Variants in MAGI1 observed in about 807,000 individuals in gnomAD.
MAGI1 encodes membrane associated guanylate kinase, WW and PDZ domain containing 1, also known as membrane-associated guanylate kinase, WW and PDZ domain-containing protein 1.
MAGI1 carries 58 observed loss-of-function variants against 139.9 expected under a neutral mutation model. The ratio of observed to expected loss-of-function variants is 0.41; its 90% CI spans 0.34 to 0.52. MAGI1 has a LOEUF of 0.52. MAGI1 is among the 20% of genes least tolerant of loss of function. MAGI1 has a pLI of 0.12. For synonymous variants in MAGI1, 812 were observed against 737.9 expected, an observed-to-expected ratio of 1.10 and a Z score of -1.63; for missense variants, 1,874 against 1,901.6, an observed-to-expected ratio of 0.99 and a Z score of 0.27.
chr3:65,952,977 T>C (rs2063940660), intron 1 of MAGI1, among the ~76,000 whole-genome samples: 1 of 152,204 alleles, frequency 6.6e-6, no homozygotes, highest in South Asian at 2.1e-4. Flanking sequence ...CTGCAATCCC[T>C]AATACAACCT....
chr3:65,458,586 T>C (rs1378883431), intron 5 of MAGI1, among the ~76,000 whole-genome samples: 2 of 152,196 alleles, frequency 1.3e-5, no homozygotes, highest in Non-Finnish European at 2.9e-5. Context: ...TTTTCACATA[T>C]CTGTCTGCCA....
intron 5 of MAGI1, among the ~76,000 whole-genome samples, chr3:65,459,109 C>T (rs925168146): frequency 6.6e-6 from 1 of 152,068 alleles, no homozygotes; most frequent in Non-Finnish European, 1.5e-5. Flanking sequence ...ATGAGTTCAC[C>T]GTAGATGTAT....
At chr3:65,597,665 C>A in intron 2 of MAGI1, 1 of 456,548 alleles carries the variant, frequency 2.2e-6, no homozygotes, top group Non-Finnish European at 4.4e-6. Flanking sequence ...GATATTCCCA[C>A]AACCCAAGCT....
intron 2 of MAGI1, among the ~76,000 whole-genome samples, chr3:65,505,691 A>T (rs2077257217): frequency 6.6e-6 from 1 of 150,788 alleles, no homozygotes. Context: ...TAATAGCTAC[A>T]TGGTTTCTTT....
chr3:65,692,292 TCTTG>T (rs1165200476), intron 1 of MAGI1, among the ~76,000 whole-genome samples: 1 of 152,198 alleles, frequency 6.6e-6, no homozygotes, highest in East Asian at 1.9e-4. Flanking sequence ...ATTGATTCAT[TCTTG>T]CTTGTCAGCA....
chr3:65,450,837 C>A (rs1948991259), intron 6 of MAGI1, among the ~76,000 whole-genome samples: 1 of 152,080 alleles, frequency 6.6e-6, no homozygotes, highest in Admixed American at 6.5e-5. Context: ...CTACAGAGAA[C>A]AGAAAGAAAT....
intron 1 of MAGI1, among the ~76,000 whole-genome samples, chr3:65,709,814 G>A (rs374707121): frequency 2.1e-4 from 32 of 152,324 alleles, no homozygotes; most frequent in Middle Eastern, 6.8e-3. Flanking sequence ...AAGAATTTTA[G>A]TAGCTCTAAT....
chr3:65,500,845 G>A (rs2077053297), intron 2 of MAGI1, among the ~76,000 whole-genome samples: 1 of 152,116 alleles, frequency 6.6e-6, no homozygotes, highest in Non-Finnish European at 1.5e-5. Flanking sequence ...AATCTAACAA[G>A]ACTTCAAAAA....
chr3:65,987,739 T>G (rs941495355), intron 1 of MAGI1, among the ~76,000 whole-genome samples: 1 of 152,160 alleles, frequency 6.6e-6, no homozygotes, highest in African/African-American at 2.4e-5. Flanking sequence ...CCAGCTAATT[T>G]TGCATTTTTT....
intron 1 of MAGI1, among the ~76,000 whole-genome samples, chr3:65,682,007 G>A (rs138265782): frequency 2.0e-4 from 31 of 152,128 alleles, no homozygotes; most frequent in African/African-American, 7.0e-4. Context: ...AGCTGAGTTT[G>A]GCAGGTTTAA....
intron 2 of MAGI1, among the ~76,000 whole-genome samples, chr3:65,500,520 C>A (rs962713218): frequency 6.6e-6 from 1 of 152,218 alleles, no homozygotes; most frequent in African/African-American, 2.4e-5. Flanking sequence ...TCACTGAAAT[C>A]CACAAACCAT....
At chr3:65,596,605 A>G (rs2082211005) in intron 2 of MAGI1, among the ~76,000 whole-genome samples, 1 of 152,232 alleles carries the variant, frequency 6.6e-6, no homozygotes, top group Non-Finnish European at 1.5e-5. Flanking sequence ...CAAAGTCTAT[A>G]TACCAACACT....
chr3:65,621,377 T>A (rs942687563), intron 2 of MAGI1, among the ~76,000 whole-genome samples: 2 of 152,236 alleles, frequency 1.3e-5, no homozygotes, highest in African/African-American at 4.8e-5. Context: ...GTCTTGTTTT[T>A]TCAGATTTGG....
chr3:65,586,664 T>C (rs1279169046), intron 2 of MAGI1, among the ~76,000 whole-genome samples: 1 of 152,024 alleles, frequency 6.6e-6, no homozygotes, highest in Non-Finnish European at 1.5e-5. Flanking sequence ...TATACAAAGA[T>C]ACACAAAAAT....
Position 65,519,063 on chromosome 3 carries a change from A to T in MAGI1, c.431-25432T>A, listed in dbSNP as rs200508457. On this transcript the variant is annotated intron_variant, in intron 2 of 22. Transcript: ENST00000402939. ...AAGTGTTCTAGGCACAACAGGTAACACCAAACGCAAATGTCCTGAGGCAGG... is the reference window on the plus strand; with the variant it reads ...AAGTGTTCTAGGCACAACAGGTAACTCCAAACGCAAATGTCCTGAGGCAGG... Among the ~76,000 whole-genome samples, 38 of 152,300 alleles carry T rather than the reference A, an allele frequency of 2.5e-4. 1 individual carries two copies. In the East Asian group the frequency reaches 7.4e-3, roughly 30 times the overall value.
At chr3:65,592,247 T>C (rs946212828) in intron 2 of MAGI1, among the ~76,000 whole-genome samples, 7 of 152,166 alleles carry the variant, frequency 4.6e-5, no homozygotes, top group African/African-American at 1.7e-4. Flanking sequence ...TTCCAATTAT[T>C]ATTAGAAAGA....
At chr3:65,728,382 G>C (rs2033842594) in intron 1 of MAGI1, among the ~76,000 whole-genome samples, 1 of 152,206 alleles carries the variant, frequency 6.6e-6, no homozygotes, top group African/African-American at 2.4e-5. Flanking sequence ...CCATGGTATG[G>C]AATTTGGATC....
At chr3:65,651,667 G>A (rs777301135) in intron 1 of MAGI1, among the ~76,000 whole-genome samples, 2 of 152,086 alleles carry the variant, frequency 1.3e-5, no homozygotes, top group Non-Finnish European at 2.9e-5. Context: ...ACTGCAGACA[G>A]ACATCCCAGG....
intron 1 of MAGI1, among the ~76,000 whole-genome samples, chr3:65,841,183 G>C (rs1007990608): frequency 2.0e-5 from 3 of 151,848 alleles, no homozygotes; most frequent in African/African-American, 7.3e-5. Flanking sequence ...CTATTTGTTA[G>C]TCTTGCCAGA....
Sources: allele counts gnomAD v4.1 joint callset (sites outside exome capture counted in the v4.1 genomes callset), GRCh38; gene constraint gnomAD v4.1.1; transcripts MANE v1.5; gene names NCBI Gene and HGNC (gene_info 2026-07-23, HGNC 2026-07-21).